Variants in HDAC9 observed in about 807,000 individuals in gnomAD.
The protein encoded by HDAC9 is histone deacetylase 9.
HDAC9 carries 41 observed loss-of-function variants against 139.4 expected under a neutral mutation model. The ratio of observed to expected loss-of-function variants is 0.29; its 90% CI spans 0.23 to 0.38. The LOEUF is 0.38. HDAC9 is among the 10% of genes least tolerant of loss of function. HDAC9 has a pLI of 1.00. For missense variants in HDAC9, 1,147 were observed against 1,297.0 expected, an observed-to-expected ratio of 0.88 and a Z score of 1.78; for synonymous variants, 517 against 476.2, an observed-to-expected ratio of 1.09 and a Z score of -1.12.
chr7:18,856,280 A>G (rs934364674), intron 21 of HDAC9, among the ~76,000 whole-genome samples: 2 of 152,202 alleles, frequency 1.3e-5, no homozygotes, highest in African/African-American at 4.8e-5. Flanking sequence ...CTTATCTTAG[A>G]AACTATGAGT....
At position 18,781,714 on chromosome 7, in the gene HDAC9, G is replaced by T. The variant is rs145858192; in HGVS notation, c.2215-11631G>T. 2.0e-3 allele frequency among the ~76,000 whole-genome samples: 304 copies of T among 152,100 alleles called. No homozygotes were observed. In the East Asian group the frequency reaches 0.029, roughly 14 times the overall value. On this transcript the variant is annotated intron_variant, in intron 16 of 25. Transcript: ENST00000686413. ...GGAATCATCAGCTTTAGCCCTAATT[G>T]TAAAGGATCAAGGATAGGAAAATGT...
At chr7:18,278,796 A>G (rs910314785) in intron 2 of HDAC9, among the ~76,000 whole-genome samples, 2 of 152,282 alleles carry the variant, frequency 1.3e-5, no homozygotes, top group East Asian at 1.9e-4. Context: ...TGCACCCCAC[A>G]TTTGATTTTA....
intron 6 of HDAC9, among the ~76,000 whole-genome samples, chr7:18,615,397 A>G (rs1838296638): frequency 6.6e-6 from 1 of 152,180 alleles, no homozygotes; most frequent in African/African-American, 2.4e-5. Flanking sequence ...AAATACTCCC[A>G]TTCAAGTTTT....
At chr7:18,271,842 T>C (rs1796377379) in intron 2 of HDAC9, among the ~76,000 whole-genome samples, 1 of 152,150 alleles carries the variant, frequency 6.6e-6, no homozygotes, top group East Asian at 1.9e-4. Flanking sequence ...CACGTCCTGT[T>C]CACCACAGTA....
intron 2 of HDAC9, among the ~76,000 whole-genome samples, chr7:18,548,822 G>A (rs2389963): frequency 0.76 from 115,067 of 152,184 alleles, 44,580 homozygotes; most frequent in African/African-American, 0.94. Context: ...GATAATAGCT[G>A]GAATTCAAAT....
chr7:18,917,588 A>C (rs1803319635), intron 22 of HDAC9, among the ~76,000 whole-genome samples: 1 of 151,982 alleles, frequency 6.6e-6, no homozygotes, highest in Non-Finnish European at 1.5e-5. Context: ...GAGGAGGAAA[A>C]GCAGATGGAA....
At chr7:18,956,937 T>C (rs866438631) in intron 24 of HDAC9, among the ~76,000 whole-genome samples, 2 of 152,154 alleles carry the variant, frequency 1.3e-5, no homozygotes, top group Non-Finnish European at 2.9e-5. Context: ...AAATTCTTAC[T>C]GCGTTTTAAA....
At chr7:18,949,236 C>T (rs1378795408) in intron 23 of HDAC9, 2 of 202,710 alleles carry the variant, frequency 9.9e-6, no homozygotes, top group Non-Finnish European at 2.0e-5. Flanking sequence ...TCTTCCTCAC[C>T]CTTGTCATCG....
intron 2 of HDAC9, among the ~76,000 whole-genome samples, chr7:18,258,478 C>T (rs151000858): frequency 2.6e-5 from 4 of 152,268 alleles, no homozygotes; most frequent in African/African-American, 9.6e-5. Context: ...TTGTCCCTTA[C>T]CCCAGTCCCA....
intron 1 of HDAC9, among the ~76,000 whole-genome samples, chr7:18,135,949 T>A (rs1463938653): frequency 8.2e-6 from 1 of 122,210 alleles, no homozygotes; most frequent in Non-Finnish European, 1.6e-5. Context: ...TTTCTCCACA[T>A]CCTCTCCAGC....
chr7:18,552,182 G>A (rs1817369840), intron 2 of HDAC9, among the ~76,000 whole-genome samples: 1 of 152,094 alleles, frequency 6.6e-6, no homozygotes, highest in African/African-American at 2.4e-5. Flanking sequence ...TATCAAGAAT[G>A]TCAAGTATTT....
At chr7:18,561,690 G>A (rs766561855) in intron 2 of HDAC9, among the ~76,000 whole-genome samples, 2 of 151,930 alleles carry the variant, frequency 1.3e-5, no homozygotes, top group African/African-American at 2.4e-5. Flanking sequence ...TAAATGAAAC[G>A]ATACCAAATA....
At chr7:18,132,427 A>G (rs1785074725) in intron 1 of HDAC9, among the ~76,000 whole-genome samples, 1 of 152,090 alleles carries the variant, frequency 6.6e-6, no homozygotes, top group Admixed American at 6.6e-5. Context: ...TTTAAGAGAC[A>G]GGGCCTTTGT....
chr7:18,578,327 C>A (rs754505845), intron 2 of HDAC9: 7 of 462,620 alleles, frequency 1.5e-5, no homozygotes, highest in South Asian at 4.7e-5. Flanking sequence ...TGTTAGCCTG[C>A]GGAAAGAAGC....
At position 18,195,845 on chromosome 7, in the gene HDAC9, CAT is replaced by C. The variant is rs1179880103; in HGVS notation, c.25+33501_25+33502del. ...TAAATGTTTCATCATAACGTGAACACATATATTATGTTCATCATCATCCCTAT... is the reference window on the plus strand; with the variant it reads ...TAAATGTTTCATCATAACGTGAACACATATTATGTTCATCATCATCCCTAT... On this transcript the variant is annotated intron_variant, in intron 2 of 12. Coordinates refer to the HDAC9 transcript ENST00000417496. Among the ~76,000 whole-genome samples the C allele has an allele frequency of 1.1e-4, 17 of 152,136 alleles. No homozygotes were observed. In the South Asian group the frequency reaches 1.7e-3, roughly 15 times the overall value.
intron 25 of HDAC9, among the ~76,000 whole-genome samples, chr7:18,977,205 GAAC>G: frequency 6.6e-6 from 1 of 152,060 alleles, no homozygotes; most frequent in Non-Finnish European, 1.5e-5. Flanking sequence ...TTGATAATAA[GAAC>G]TAACCCCCTG....
chr7:18,398,890 T>G (rs1787292034), intron 1 of HDAC9, among the ~76,000 whole-genome samples: 1 of 152,106 alleles, frequency 6.6e-6, no homozygotes, highest in Non-Finnish European at 1.5e-5. Flanking sequence ...ATTTTTTTTT[T>G]GAAACATACG....
intron 17 of HDAC9, among the ~76,000 whole-genome samples, chr7:18,797,016 G>C (rs573887714): frequency 2.6e-5 from 4 of 152,318 alleles, no homozygotes; most frequent in African/African-American, 9.6e-5. Context: ...ATGAATATGA[G>C]TTTGAGTGTG....
chr7:18,583,356 A>G (rs371960702), intron 2 of HDAC9, among the ~76,000 whole-genome samples: 23 of 152,274 alleles, frequency 1.5e-4, no homozygotes, highest in African/African-American at 5.5e-4. Context: ...AAGCATTTAG[A>G]TTATAGAACA....
Sources: allele counts gnomAD v4.1 joint callset (sites outside exome capture counted in the v4.1 genomes callset), GRCh38; gene constraint gnomAD v4.1.1; transcripts MANE v1.5; gene names NCBI Gene and HGNC (gene_info 2026-07-23, HGNC 2026-07-21).